PRKCE: variants seen among roughly 807,000 people sequenced by gnomAD.
PRKCE encodes protein kinase C epsilon, also known as protein kinase C epsilon type.
PRKCE carries 16 observed loss-of-function variants against 85.4 expected under a neutral mutation model. The ratio of observed to expected loss-of-function variants is 0.19; its 90% CI spans 0.13 to 0.28. The LOEUF (loss-of-function observed/expected upper bound fraction) is 0.28. Ranked by LOEUF, PRKCE falls within the 10% of genes least tolerant of loss-of-function variation. PRKCE has a pLI of 1.00. For missense variants in PRKCE, 573 were observed against 975.2 expected, an observed-to-expected ratio of 0.59 and a Z score of 5.49; for synonymous variants, 388 against 371.5, an observed-to-expected ratio of 1.04 and a Z score of -0.51.
chr2:45,936,791 G>C (rs1224131748), intron 2 of PRKCE, among the ~76,000 whole-genome samples: 1 of 152,188 alleles, frequency 6.6e-6, no homozygotes, highest in Non-Finnish European at 1.5e-5. Flanking sequence ...ATTTTCCACT[G>C]GTGTAGGGAA....
chr2:45,698,055 A>C (rs965998534), intron 1 of PRKCE: 1 of 152,596 alleles, frequency 6.6e-6, no homozygotes, highest in Non-Finnish European at 1.5e-5. Context: ...CAAGCAGCTA[A>C]GATTCTAGTG....
chr2:45,710,026 G>C (rs1388253158), intron 1 of PRKCE, among the ~76,000 whole-genome samples: 3 of 152,180 alleles, frequency 2.0e-5, no homozygotes, highest in Non-Finnish European at 1.5e-5. Context: ...GGCCAGACTG[G>C]TCTCGAACCC....
intron 10 of PRKCE, among the ~76,000 whole-genome samples, chr2:46,045,172 T>C (rs6740102): frequency 0.11 from 16,273 of 152,030 alleles, 1,246 homozygotes; most frequent in African/African-American, 0.22. Context: ...ATAGCAAAAA[T>C]AGGAATTCCA....
chr2:45,929,990 A>G (rs1278348478), intron 2 of PRKCE, among the ~76,000 whole-genome samples: 1 of 152,248 alleles, frequency 6.6e-6, no homozygotes, highest in Non-Finnish European at 1.5e-5. Flanking sequence ...GAGTAAATGA[A>G]TCATTCAATG....
intron 11 of PRKCE, among the ~76,000 whole-genome samples, chr2:46,098,202 C>A (rs1382878269): frequency 6.6e-6 from 1 of 152,124 alleles, no homozygotes; most frequent in East Asian, 1.9e-4. Context: ...GTTAAGGGCA[C>A]AACTCTGGAA....
chr2:45,688,638 T>G (rs963897538), intron 1 of PRKCE, among the ~76,000 whole-genome samples: 2 of 152,230 alleles, frequency 1.3e-5, no homozygotes, highest in Non-Finnish European at 2.9e-5. Context: ...CTGTTGTTTT[T>G]GTGGGTTTCT....
chr2:45,829,788 G>T (rs1038461098), intron 1 of PRKCE, among the ~76,000 whole-genome samples: 2 of 152,168 alleles, frequency 1.3e-5, no homozygotes, highest in Admixed American at 1.3e-4. Context: ...AAATTGGAAG[G>T]CTCGGCCGGG....
rs146476233 is a variant in PRKCE at position 45,852,519 on chromosome 2, A to T, written c.412+9456A>T. Among the ~76,000 whole-genome samples the T allele has an allele frequency of 1.8e-4, 27 of 152,282 alleles. No homozygotes were observed. The East Asian group carries it at 4.6e-3, about 26-fold the overall frequency. ...GCTAAGAGCTAAACAAACAAAGATG[A>T]AAAAGACATAGGTCCTGCCCTCTAG... On this transcript the variant is annotated intron_variant, in intron 2 of 14. Transcript: ENST00000306156.
At chr2:46,128,825 G>A (rs1674124891) in intron 11 of PRKCE, among the ~76,000 whole-genome samples, 2 of 152,202 alleles carry the variant, frequency 1.3e-5, no homozygotes, top group South Asian at 4.1e-4. Flanking sequence ...TGGTGATCCT[G>A]GGGAGAGACC....
chr2:45,852,702 G>A (rs1692373130), intron 2 of PRKCE, among the ~76,000 whole-genome samples: 1 of 152,210 alleles, frequency 6.6e-6, no homozygotes. Context: ...CTGGGCACCT[G>A]GAAGGGGGAA....
chr2:46,176,681 T>C (rs1679462058), intron 14 of PRKCE, among the ~76,000 whole-genome samples: 1 of 152,158 alleles, frequency 6.6e-6, no homozygotes, highest in South Asian at 2.1e-4. Flanking sequence ...ACAGTGACCA[T>C]GGCTGGTTGC....
Position 45,884,954 on chromosome 2 carries a change from CATATATATATATATATATATATATATAT to C in PRKCE, c.412+41912_412+41939del, listed in dbSNP as rs745477412. On this transcript the variant is annotated intron_variant, in intron 2 of 14. Transcript: ENST00000306156. ...TGCGTGTGATCTGTTATATGTGATC[CATATATATATATATATATATATATATAT>C]ATATATATATATATATATATTTGTT... Among the ~76,000 whole-genome samples, 216 of 37,568 alleles carry C rather than the reference CATATATATATATATATATATATATATAT, an allele frequency of 5.7e-3. 7 individuals are homozygous for C. Among genetic ancestry groups the C allele is most frequent in the Middle Eastern group, 0.021 (1 of 48 alleles). The allele number at this position is 37,568 out of a possible 152,430, so 24.6% of individuals were successfully genotyped here. A position where few individuals can be genotyped will look rare whatever the true frequency, so the allele number is the denominator to read the frequency against.
At chr2:45,974,299 C>T (rs761088329) in intron 2 of PRKCE, among the ~76,000 whole-genome samples, 14 of 152,192 alleles carry the variant, frequency 9.2e-5, no homozygotes, top group Admixed American at 1.3e-4. Flanking sequence ...TGGGTCCTCC[C>T]GTGAGAATTT....
intron 2 of PRKCE, among the ~76,000 whole-genome samples, chr2:45,963,506 G>A (rs932008119): frequency 2.0e-5 from 3 of 151,994 alleles, no homozygotes; most frequent in Admixed American, 6.6e-5. Flanking sequence ...ACAGGGTTTC[G>A]CCATGTTGGC....
chr2:45,926,205 C>A (rs371144652), intron 2 of PRKCE, among the ~76,000 whole-genome samples: 1 of 152,310 alleles, frequency 6.6e-6, no homozygotes, highest in African/African-American at 2.4e-5. Flanking sequence ...CTGAGGCCTG[C>A]AATGATATGC....
chr2:46,151,580 C>T (rs1676635470), intron 13 of PRKCE, among the ~76,000 whole-genome samples: 1 of 150,982 alleles, frequency 6.6e-6, no homozygotes, highest in Non-Finnish European at 1.5e-5. Context: ...ACTGTGCTGA[C>T]ATCACCTCTG....
At chr2:46,024,356 T>A (rs1706931345) in intron 10 of PRKCE, among the ~76,000 whole-genome samples, 3 of 152,070 alleles carry the variant, frequency 2.0e-5, no homozygotes, top group Admixed American at 2.0e-4. Context: ...CCTCCACTTT[T>A]GACCTCATTG....
intron 1 of PRKCE, among the ~76,000 whole-genome samples, chr2:45,823,395 C>T (rs1689695488): frequency 6.6e-6 from 1 of 152,224 alleles, no homozygotes; most frequent in Non-Finnish European, 1.5e-5. Flanking sequence ...ATTACTTTCG[C>T]AGACAGGCTA....
chr2:45,656,860 G>C (rs1036429327), intron 1 of PRKCE, among the ~76,000 whole-genome samples: 9 of 152,208 alleles, frequency 5.9e-5, no homozygotes, highest in African/African-American at 2.2e-4. Context: ...TTTTTACATA[G>C]ATATGTCCTG....
Sources: allele counts gnomAD v4.1 joint callset (sites outside exome capture counted in the v4.1 genomes callset), GRCh38; gene constraint gnomAD v4.1.1; transcripts MANE v1.5; gene names NCBI Gene and HGNC (gene_info 2026-07-23, HGNC 2026-07-21).